Variants in SPAG16 observed in about 807,000 individuals in gnomAD.
SPAG16 encodes the protein sperm-associated antigen 16 protein.
A neutral mutation model predicts 80.4 loss-of-function variants in SPAG16; 86 were observed. The ratio of observed to expected loss-of-function variants is 1.07; its 90% confidence interval spans 0.90 to 1.28. The LOEUF (loss-of-function observed/expected upper bound fraction) is 1.28, where lower values mean the gene tolerates loss of function less well. Ranked by LOEUF, SPAG16 falls within the 50% of genes most tolerant of loss-of-function variation. The pLI, the probability that SPAG16 is intolerant of heterozygous loss-of-function variation, is 0.00. For synonymous variants in SPAG16, 294 were observed against 265.9 expected, an observed-to-expected ratio of 1.11 and a Z score of -1.03; for missense variants, 870 against 765.3, an observed-to-expected ratio of 1.14 and a Z score of -1.61.
At chr2:213,777,088 C>T (rs146153680) in intron 10 of SPAG16, among the ~76,000 whole-genome samples, 64 of 152,100 alleles carry the variant, frequency 4.2e-4, no homozygotes, top group African/African-American at 1.5e-3. Context: ...GAACATTATA[C>T]TATTTTTCCC....
chr2:213,940,154 TA>T (rs375848730), intron 12 of SPAG16, among the ~76,000 whole-genome samples: 1 of 152,172 alleles, frequency 6.6e-6, no homozygotes, highest in Non-Finnish European at 1.5e-5. Flanking sequence ...TAACTACCAT[TA>T]AAAAAGTGAG....
intron 9 of SPAG16, among the ~76,000 whole-genome samples, chr2:213,451,932 C>T (rs760877578): frequency 1.3e-5 from 2 of 151,030 alleles, no homozygotes; most frequent in Non-Finnish European, 2.9e-5. Flanking sequence ...CCCCATACCC[C>T]GACCCCCACC....
At chr2:214,019,159 T>C (rs1249922865) in intron 13 of SPAG16, among the ~76,000 whole-genome samples, 1 of 152,154 alleles carries the variant, frequency 6.6e-6, no homozygotes, top group Non-Finnish European at 1.5e-5. Context: ...TGAGAAATTA[T>C]AAGGCCTACC....
intron 15 of SPAG16, among the ~76,000 whole-genome samples, chr2:214,207,962 G>A (rs917594807): frequency 2.0e-5 from 3 of 152,180 alleles, no homozygotes; most frequent in Admixed American, 2.0e-4. Flanking sequence ...GGCCACACAC[G>A]GAAGTCTGCA....
intron 10 of SPAG16, among the ~76,000 whole-genome samples, chr2:213,649,213 C>T (rs16850605): frequency 0.06 from 9,070 of 152,184 alleles, 893 homozygotes; most frequent in African/African-American, 0.2. Flanking sequence ...TTTTGTGACA[C>T]CTGACCTACT....
intron 10 of SPAG16, among the ~76,000 whole-genome samples, chr2:213,846,629 A>G (rs1407318936): frequency 6.6e-6 from 1 of 152,156 alleles, no homozygotes; most frequent in Non-Finnish European, 1.5e-5. Context: ...ATTCTAATAC[A>G]GTGAGACCCC....
intron 10 of SPAG16, among the ~76,000 whole-genome samples, chr2:213,816,230 T>TCATTACATGC (rs1251663281): frequency 1.3e-5 from 2 of 152,190 alleles, no homozygotes; most frequent in African/African-American, 4.8e-5. Flanking sequence ...TACATCCATA[T>TCATTACATGC]CATTACATGC....
intron 11 of SPAG16, among the ~76,000 whole-genome samples, chr2:213,881,028 G>T (rs979411144): frequency 1.3e-5 from 2 of 152,094 alleles, no homozygotes; most frequent in African/African-American, 4.8e-5. Context: ...AGTTTGATAG[G>T]AATGGCATTG....
intron 15 of SPAG16, among the ~76,000 whole-genome samples, chr2:214,276,512 T>G (rs993713615): frequency 6.6e-6 from 1 of 152,216 alleles, no homozygotes; most frequent in Non-Finnish European, 1.5e-5. Flanking sequence ...TCTCTCAGCA[T>G]TTGCTTCTCT....
chr2:213,859,178 C>CAA (rs1165853142), intron 10 of SPAG16, among the ~76,000 whole-genome samples: 405 of 9,372 alleles, frequency 0.043, 160 homozygotes, highest in Non-Finnish European at 0.053. Flanking sequence ...CACTCCGTCT[C>CAA]AAAAAAAAAA....
At position 214,255,137 on chromosome 2, in the gene SPAG16, C is replaced by T. The variant is rs576150042; in HGVS notation, c.1720+105871C>T. 2.0e-4 allele frequency among the ~76,000 whole-genome samples: 31 copies of T among 152,126 alleles called. No individual in the cohort carries two copies. The East Asian group carries it at 5.6e-3, about 27-fold the overall frequency. ...AAGTATTTTCACTATATCAAAGTTA[C>T]TAGCATAAAATCAATCATCAGTGAA... On this transcript the variant is annotated intron_variant, in intron 15 of 15. Transcript: ENST00000331683.
At chr2:214,299,432 T>C (rs1167750232) in intron 15 of SPAG16, among the ~76,000 whole-genome samples, 2 of 151,768 alleles carry the variant, frequency 1.3e-5, no homozygotes, top group East Asian at 3.9e-4. Flanking sequence ...GTATTTTTAG[T>C]AGAGATGGGG....
intron 10 of SPAG16, among the ~76,000 whole-genome samples, chr2:213,725,925 CA>C (rs2066749196): frequency 6.6e-6 from 1 of 152,260 alleles, no homozygotes; most frequent in East Asian, 1.9e-4. Flanking sequence ...TGAAAGAAGG[CA>C]GGGGGAAAGT....
At chr2:214,180,794 G>T (rs1344275891) in intron 15 of SPAG16, among the ~76,000 whole-genome samples, 1 of 151,618 alleles carries the variant, frequency 6.6e-6, no homozygotes, top group African/African-American at 2.4e-5. Flanking sequence ...TATACCTAAA[G>T]AATATTTTCG....
intron 10 of SPAG16, among the ~76,000 whole-genome samples, chr2:213,856,106 G>T (rs2075154153): frequency 6.6e-6 from 1 of 152,214 alleles, no homozygotes; most frequent in African/African-American, 2.4e-5. Context: ...GATACAGGCA[G>T]TTGGTAAATA....
intron 15 of SPAG16, among the ~76,000 whole-genome samples, chr2:214,355,172 G>T (rs1270325501): frequency 1.3e-5 from 2 of 149,812 alleles, no homozygotes; most frequent in Admixed American, 6.7e-5. Context: ...TTGACAAATG[G>T]GATCTCATTA....
intron 9 of SPAG16, among the ~76,000 whole-genome samples, chr2:213,408,028 G>A (rs1362665996): frequency 6.7e-6 from 1 of 148,994 alleles, no homozygotes; most frequent in Non-Finnish European, 1.5e-5. Context: ...GAGAGAGACA[G>A]GAGAGAGGCA....
At chr2:214,348,021 C>T (rs1016478866) in intron 15 of SPAG16, among the ~76,000 whole-genome samples, 21 of 152,166 alleles carry the variant, frequency 1.4e-4, no homozygotes, top group African/African-American at 5.1e-4. Context: ...ATTCTAGGAT[C>T]ACTACGGACC....
At chr2:213,892,173 C>G (rs2106083176) in intron 11 of SPAG16, among the ~76,000 whole-genome samples, 1 of 152,122 alleles carries the variant, frequency 6.6e-6, no homozygotes, top group South Asian at 2.1e-4. Flanking sequence ...GACAGCCTTC[C>G]TCCCTGCCAG....
Sources: allele counts gnomAD v4.1 joint callset (sites outside exome capture counted in the v4.1 genomes callset), GRCh38; gene constraint gnomAD v4.1.1; transcripts MANE v1.5; gene names NCBI Gene and HGNC (gene_info 2026-07-23, HGNC 2026-07-21).